KCTD1: variants seen among roughly 807,000 people sequenced by gnomAD.
KCTD1 encodes potassium channel tetramerization domain containing 1.
In KCTD1, 24 loss-of-function variants were observed where a neutral mutation model predicts 66.0. The ratio of observed to expected loss-of-function variants is 0.36; its 90% CI spans 0.26 to 0.51. The LOEUF is 0.51. Among genes scored for constraint, KCTD1 ranks in the 20% least tolerant of loss-of-function variants. The pLI, the probability that KCTD1 is intolerant of heterozygous loss-of-function variation, is 0.95. For missense variants in KCTD1, 943 were observed against 1,205.2 expected, an observed-to-expected ratio of 0.78 and a Z score of 3.22; for synonymous variants, 511 against 517.2, an observed-to-expected ratio of 0.99 and a Z score of 0.16.
rs752888696 is a variant in KCTD1, at chr18:26,548,421, C to A, written c.116G>T (p.Gly39Val). Residue 39 changes from glycine (G) to valine (V), a missense_variant, in exon 1 of 5, where the codon GGG becomes GTG. By Grantham distance (109) the Gly-to-Val change is moderately radical. This residue lies in a region of KCTD1 where 236 missense variants were observed against 206.6 expected (regional missense o/e 1.14). Coordinates refer to ENST00000580059, the MANE Select transcript of KCTD1 (RefSeq NM_001142730.3). ...GERGEGERGA[G>V]GRGRRHSRPH... is the part of the protein sequence containing the mutation. ...ACGGCTGTGGCGGCGGCCGCGGCCCCCCGCGCCGCGCTCGCCCTCGCCCCG... is the reference window on the plus strand; with the variant it reads ...ACGGCTGTGGCGGCGGCCGCGGCCCACCGCGCCGCGCTCGCCCTCGCCCCG... The A allele has an allele frequency of 7.0e-6, 10 of 1,424,724 alleles. No individual in the cohort carries two copies. The highest frequency in any genetic ancestry group is 2.6e-4 in the Middle Eastern group (1 of 3,908). The allele number at this position is 1,424,724 out of a possible 1,614,324, so 88.3% of individuals were successfully genotyped here.
upstream of KCTD1, chr18:26,549,823 G>GAGCT: frequency 3.0e-6 from 3 of 985,348 alleles, no homozygotes; most frequent in Non-Finnish European, 3.6e-6. Flanking sequence ...AGCAGCCAAA[G>GAGCT]AGCTCGCCGG....
At chr18:26,576,698 A>G (rs1421662523) in intron 1 of KCTD1, among the ~76,000 whole-genome samples, 1 of 152,168 alleles carries the variant, frequency 6.6e-6, no homozygotes, top group Non-Finnish European at 1.5e-5. Flanking sequence ...CAACAAAAAT[A>G]TTTTTTAAAA....
rs148139086 is a variant in KCTD1, at chr18:26,580,770, A to T, written c.-16+48377T>A. 8.1e-4 allele frequency among the ~76,000 whole-genome samples: 124 copies of T among 152,262 alleles called. 2 individuals carry two copies. The highest frequency in any genetic ancestry group is 2.9e-3 in the African/African-American group (121 of 41,556). ...GGATGTATTATATTTTACATTTTTT[A>T]ATGGGTGGCCAAAAATGCATAAATA... On this transcript the variant is annotated intron_variant, in intron 1 of 4. Coordinates refer to the KCTD1 transcript ENST00000317932.
intron 1 of KCTD1, among the ~76,000 whole-genome samples, chr18:26,620,252 T>C (rs1420525220): frequency 1.3e-5 from 2 of 151,152 alleles, no homozygotes; most frequent in Non-Finnish European, 2.9e-5. Context: ...GACAAGTATT[T>C]ATTGAGCATG....
intron 3 of KCTD1, among the ~76,000 whole-genome samples, chr18:26,471,960 G>T (rs890732482): frequency 6.6e-6 from 1 of 152,186 alleles, no homozygotes; most frequent in African/African-American, 2.4e-5. Flanking sequence ...ATGCGTCCAG[G>T]AGGTTAAGAT....
intron 2 of KCTD1, among the ~76,000 whole-genome samples, chr18:26,486,374 G>T (rs761622213): frequency 2.6e-5 from 4 of 152,242 alleles, no homozygotes; most frequent in Non-Finnish European, 5.9e-5. Flanking sequence ...CCGACTCACA[G>T]TGTCCGTCTG....
intron 1 of KCTD1, among the ~76,000 whole-genome samples, chr18:26,615,824 G>T (rs1299305618): frequency 6.6e-6 from 1 of 152,048 alleles, no homozygotes; most frequent in African/African-American, 2.4e-5. Context: ...GAGTTTTGCT[G>T]TTGTTGCCCA....
intron 1 of KCTD1, among the ~76,000 whole-genome samples, chr18:26,537,327 T>C (rs1056694024): frequency 6.6e-6 from 1 of 152,172 alleles, no homozygotes; most frequent in African/African-American, 2.4e-5. Context: ...CAATATTCCA[T>C]ATAAACTGGC....
At chr18:26,633,792 T>G (rs1987668986), upstream of KCTD1, among the ~76,000 whole-genome samples, 3 of 152,158 alleles carry the variant, frequency 2.0e-5, no homozygotes, top group Non-Finnish European at 4.4e-5. Context: ...CAAATTAAAG[T>G]ACTAATGAGA....
intron 1 of KCTD1, among the ~76,000 whole-genome samples, chr18:26,635,113 G>GCATTAATT (rs1987696832): frequency 6.6e-6 from 1 of 151,436 alleles, no homozygotes; most frequent in Non-Finnish European, 1.5e-5. Context: ...GGCTTTTTTT[G>GCATTAATT]CATTAATTTT....
At chr18:26,536,007 T>TCCCCTCAG (rs1176876712) in intron 1 of KCTD1, among the ~76,000 whole-genome samples, 3 of 150,716 alleles carry the variant, frequency 2.0e-5, no homozygotes, top group African/African-American at 7.4e-5. Flanking sequence ...TTTTCCTGTG[T>TCCCCTCAG]CCCCTCAGTC....
intron 3 of KCTD1, among the ~76,000 whole-genome samples, chr18:26,463,541 G>GT (rs60244592): frequency 1.4e-4 from 20 of 146,732 alleles, no homozygotes; most frequent in African/African-American, 3.5e-4. Flanking sequence ...TTAGAATACG[G>GT]TTTTTTTTTT....
chr18:26,586,208 A>C (rs1986468220), intron 1 of KCTD1, among the ~76,000 whole-genome samples: 1 of 152,242 alleles, frequency 6.6e-6, no homozygotes, highest in African/African-American at 2.4e-5. Context: ...CTCACTTTGT[A>C]TCTTTGTGTC....
intron 2 of KCTD1, among the ~76,000 whole-genome samples, chr18:26,497,848 A>G (rs1001221543): frequency 3.9e-5 from 6 of 152,198 alleles, no homozygotes; most frequent in Admixed American, 3.9e-4. Flanking sequence ...CGGCTGGGGT[A>G]TTTAAGATAA....
At chr18:26,486,452 G>A (rs1981925180) in intron 2 of KCTD1, among the ~76,000 whole-genome samples, 1 of 152,132 alleles carries the variant, frequency 6.6e-6, no homozygotes, top group Non-Finnish European at 1.5e-5. Context: ...TCGCAGTTGC[G>A]CTCTTTGTTA....
At chr18:26,555,778 A>G (rs1257392385) in intron 1 of KCTD1, among the ~76,000 whole-genome samples, 1 of 152,242 alleles carries the variant, frequency 6.6e-6, no homozygotes, top group Non-Finnish European at 1.5e-5. Context: ...TCAATGTTCT[A>G]TAGCAATGTC....
chr18:26,502,080 C>T (rs1175124214), intron 1 of KCTD1, among the ~76,000 whole-genome samples: 6 of 152,144 alleles, frequency 3.9e-5, no homozygotes, highest in South Asian at 2.1e-4. Context: ...GATGGAGTCT[C>T]GCTCTGTCGC....
intron 1 of KCTD1, among the ~76,000 whole-genome samples, chr18:26,597,705 G>A (rs1354883005): frequency 6.8e-6 from 1 of 146,840 alleles, no homozygotes; most frequent in Admixed American, 6.9e-5. Context: ...CTAGGCTGGA[G>A]TGCAATGGCA....
At chr18:26,579,515 T>C (rs1986304797) in intron 1 of KCTD1, among the ~76,000 whole-genome samples, 1 of 152,212 alleles carries the variant, frequency 6.6e-6, no homozygotes, top group Non-Finnish European at 1.5e-5. Context: ...GTTAGGGTTT[T>C]CTGTACTGTT....
Sources: allele counts gnomAD v4.1 joint callset (sites outside exome capture counted in the v4.1 genomes callset), GRCh38; gene constraint gnomAD v4.1.1; regional missense constraint gnomAD v4.1.1; transcripts MANE v1.5; gene names NCBI Gene and HGNC (gene_info 2026-07-23, HGNC 2026-07-21).